The following SMAD3 variants were observed in gnomAD, a reference collection of about 807,000 sequenced individuals.
SMAD3 encodes the protein SMAD family member 3.
In SMAD3, 12 loss-of-function variants were observed where a neutral mutation model predicts 51.8. The ratio of observed to expected loss-of-function variants is 0.23; its 90% CI spans 0.15 to 0.38. The LOEUF (loss-of-function observed/expected upper bound fraction) is 0.38. Ranked by LOEUF, SMAD3 falls within the 10% of genes least tolerant of loss-of-function variation. The pLI is 1.00. For missense variants in SMAD3, 294 were observed against 565.6 expected (o/e 0.52, Z 4.87); for synonymous variants, 238 against 227.7 (o/e 1.05, Z -0.41).
At chr15:67,094,136 C>G (rs1230891397) in intron 1 of SMAD3, among the ~76,000 whole-genome samples, 1 of 152,204 alleles carries the variant, frequency 6.6e-6, no homozygotes, top group African/African-American at 2.4e-5. Flanking sequence ...CCACCTGAGG[C>G]CTGCGTGGGG....
intron 1 of SMAD3, among the ~76,000 whole-genome samples, chr15:67,109,199 T>C (rs1323124941): frequency 1.3e-5 from 2 of 152,252 alleles, no homozygotes; most frequent in African/African-American, 4.8e-5. Context: ...CTTGTTAACT[T>C]GTAAGACATA....
At chr15:67,094,821 T>C (rs1214310057) in intron 1 of SMAD3, among the ~76,000 whole-genome samples, 1 of 152,074 alleles carries the variant, frequency 6.6e-6, no homozygotes, top group East Asian at 1.9e-4. Flanking sequence ...GAGTCAAGAG[T>C]TGCACTCTTT....
chr15:67,090,376 T>C (rs1038857019), intron 1 of SMAD3, among the ~76,000 whole-genome samples: 2 of 152,112 alleles, frequency 1.3e-5, no homozygotes, highest in Non-Finnish European at 1.5e-5. Context: ...CTTCAGAGGC[T>C]GTGAAAGAGT....
At chr15:67,157,278 C>T (rs763877962) in intron 1 of SMAD3, among the ~76,000 whole-genome samples, 1 of 152,190 alleles carries the variant, frequency 6.6e-6, no homozygotes. Flanking sequence ...TGGCACAGTT[C>T]TTGGGATATG....
At chr15:67,177,053 A>G (rs937845674) in intron 5 of SMAD3, among the ~76,000 whole-genome samples, 1 of 152,170 alleles carries the variant, frequency 6.6e-6, no homozygotes, top group African/African-American at 2.4e-5. Flanking sequence ...ATTTGTTGGT[A>G]AATCCTTGAA....
chr15:67,183,032 T>TATATATATATATATATATATATATA (rs59673693), intron 6 of SMAD3, among the ~76,000 whole-genome samples: 1 of 31,030 alleles, frequency 3.2e-5, no homozygotes, highest in Non-Finnish European at 5.3e-5. Context: ...TATATATATA[T>TATATATATATATATATATATATATA]TTTTTTTTTT....
At position 67,089,510 on chromosome 15, in the gene SMAD3, T is replaced by TA. The variant is rs1476138245; in HGVS notation, c.206+23151dup. ...ATTTTGCAGGTGATCAGGCACAACT[T>TA]ACAGTTAGCGCAGGAACAGGGACTG... On this transcript the variant is annotated intron_variant, in intron 1 of 8. Coordinates refer to ENST00000327367, the MANE Select transcript of SMAD3 (RefSeq NM_005902.4). Among the ~76,000 whole-genome samples, 6 of 152,146 alleles carry TA rather than the reference T, an allele frequency of 3.9e-5. No homozygotes were observed. The East Asian group carries it at 7.7e-4, about 20-fold the overall frequency.
chr15:67,122,908 G>A (rs148072695), intron 1 of SMAD3, among the ~76,000 whole-genome samples: 257 of 152,284 alleles, frequency 1.7e-3, no homozygotes, highest in African/African-American at 6.0e-3. Context: ...ACTTGCGTCC[G>A]GGCATGGTGG....
At position 67,066,109 on chromosome 15, in the gene SMAD3, A is replaced by C. The variant is rs2140188553; in HGVS notation, c.-46A>C. 1 of 1,487,072 alleles carries C rather than the reference A, an allele frequency of 6.7e-7. No individual in the cohort carries two copies. Among genetic ancestry groups the C allele is most frequent in the South Asian group, 1.2e-5 (1 of 82,770 alleles). 92.1% of individuals were successfully genotyped at this position (1,487,072 alleles called of 1,614,324 possible). A position where few individuals can be genotyped will look rare whatever the true frequency, so the allele number is the denominator to read the frequency against. On this transcript the variant is annotated 5_prime_UTR_variant, in exon 1 of 9. Transcript: ENST00000327367. The stretch of plus-strand genomic sequence containing the variant: ...GCGCCCCCGGCGTCCCGTCGAGCCC[A>C]GCCCCGCCGGGGGCGCTCCTCGCCG...
At chr15:67,149,383 T>C (rs1566985194) in intron 1 of SMAD3, among the ~76,000 whole-genome samples, 2 of 151,588 alleles carry the variant, frequency 1.3e-5, no homozygotes, top group African/African-American at 4.9e-5. Context: ...CCGGGGAGAG[T>C]TGTAAGTATC....
chr15:67,125,661 A>AT (rs886458671), intron 1 of SMAD3: 27 of 969,036 alleles, frequency 2.8e-5, no homozygotes, highest in Admixed American at 1.2e-4. Context: ...TATGAAAAGC[A>AT]TTTTTTTAAG....
intron 1 of SMAD3, among the ~76,000 whole-genome samples, chr15:67,119,003 G>C (rs1196723467): frequency 6.6e-6 from 1 of 152,224 alleles, no homozygotes; most frequent in East Asian, 1.9e-4. Flanking sequence ...CTGGATAGAT[G>C]AGCGTGGAGT....
At chr15:67,173,674 A>G (rs1962812665) in intron 5 of SMAD3, among the ~76,000 whole-genome samples, 1 of 152,210 alleles carries the variant, frequency 6.6e-6, no homozygotes, top group South Asian at 2.1e-4. Flanking sequence ...ACAGCTTCAT[A>G]AAGATTAATC....
intron 1 of SMAD3, chr15:67,126,065 C>A: frequency 1.5e-6 from 1 of 659,028 alleles, no homozygotes; most frequent in Non-Finnish European, 1.9e-6. Context: ...GCTCGACACA[C>A]ACTCCCTGAG....
chr15:67,155,260 G>A (rs934090925), intron 1 of SMAD3, among the ~76,000 whole-genome samples: 1 of 152,158 alleles, frequency 6.6e-6, no homozygotes, highest in African/African-American at 2.4e-5. Flanking sequence ...CAGGGGACTG[G>A]GCTCATAACT....
intron 5 of SMAD3, 152 bp from the exon 6 acceptor site, chr15:67,181,089 G>A: frequency 1.5e-6 from 1 of 685,074 alleles, no homozygotes; most frequent in Non-Finnish European, 2.6e-6. Context: ...GGTGGCTCTT[G>A]CCAGTTTTAT....
chr15:67,068,920 T>G (rs767503978), intron 1 of SMAD3, among the ~76,000 whole-genome samples: 3 of 152,158 alleles, frequency 2.0e-5, no homozygotes, highest in Non-Finnish European at 4.4e-5. Flanking sequence ...GCCTTTTAGT[T>G]TGGAAAGTAG....
intron 1 of SMAD3, among the ~76,000 whole-genome samples, chr15:67,150,950 G>A (rs966802741): frequency 7.5e-6 from 1 of 132,906 alleles, no homozygotes; most frequent in Non-Finnish European, 1.5e-5. Flanking sequence ...CCACCTCCCA[G>A]GTTCAAGTGA....
At chr15:67,068,692 A>G (rs1959982874) in intron 1 of SMAD3, among the ~76,000 whole-genome samples, 1 of 152,068 alleles carries the variant, frequency 6.6e-6, no homozygotes, top group African/African-American at 2.4e-5. Flanking sequence ...GGGTGGATCC[A>G]GACAAAATGG....
Sources: gnomAD v4.1 joint callset for allele counts (sites outside exome capture counted in the v4.1 genomes callset) on GRCh38, gnomAD v4.1.1 for gene constraint, MANE v1.5 for transcripts, NCBI Gene and HGNC (gene_info 2026-07-23, HGNC 2026-07-21) for gene names.